The following PDE4B variants were observed in gnomAD, a reference collection of about 807,000 sequenced individuals.
The protein encoded by PDE4B is 3',5'-cyclic-AMP phosphodiesterase 4B.
In PDE4B, 20 loss-of-function variants were observed where a neutral mutation model predicts 82.2. That is an observed-to-expected ratio of 0.24 (90% CI 0.17 to 0.35). The LOEUF (loss-of-function observed/expected upper bound fraction) is 0.35, where lower values mean the gene tolerates loss of function less well. Ranked by LOEUF, PDE4B falls within the 10% of genes least tolerant of loss-of-function variation. The pLI is 1.00. For synonymous variants in PDE4B, 320 were observed against 318.9 expected (o/e 1.00, Z -0.04); for missense variants, 655 against 907.2 (o/e 0.72, Z 3.57).
intron 4 of PDE4B, among the ~76,000 whole-genome samples, chr1:66,253,098 ATAAT>A (rs1369709452): frequency 2.0e-5 from 3 of 152,302 alleles, no homozygotes; most frequent in East Asian, 3.9e-4. Context: ...TACATATGTA[ATAAT>A]TAATTTAATT....
At chr1:66,255,329 C>T (rs2101696675) in intron 4 of PDE4B, among the ~76,000 whole-genome samples, 1 of 152,252 alleles carries the variant, frequency 6.6e-6, no homozygotes, top group Admixed American at 6.5e-5. Context: ...CTCAGGTGAT[C>T]CGCCTGCCTC....
intron 7 of PDE4B, among the ~76,000 whole-genome samples, chr1:66,295,380 G>T (rs77545566): frequency 6.6e-6 from 1 of 151,948 alleles, no homozygotes; most frequent in African/African-American, 2.4e-5. Context: ...TACTATATAT[G>T]CTTTACTTGA....
At chr1:66,147,232 A>T (rs1646293816) in intron 3 of PDE4B, among the ~76,000 whole-genome samples, 1 of 152,246 alleles carries the variant, frequency 6.6e-6, no homozygotes, top group Admixed American at 6.5e-5. Context: ...TCCCATTGCT[A>T]TAAGCAAAAG....
intron 3 of PDE4B, among the ~76,000 whole-genome samples, chr1:66,208,326 AC>A (rs1205630317): frequency 6.6e-6 from 1 of 152,160 alleles, no homozygotes; most frequent in Non-Finnish European, 1.5e-5. Context: ...TTGAGTGCGT[AC>A]CATGTGGCAA....
chr1:66,320,534 G>A (rs75084470), intron 7 of PDE4B, among the ~76,000 whole-genome samples: 1,593 of 152,272 alleles, frequency 0.01, 26 homozygotes, highest in East Asian at 0.062. Context: ...CAAAGGACAA[G>A]TATTGGACAT....
rs1646499810 is a variant in PDE4B, at chr1:66,156,299, T to C, written c.282-91161T>C. ...TTATTGTGGCTAACAAAGCAACTCT[T>C]ATAAGTTGCACACAAACAAGAAGTA... On this transcript the variant is annotated intron_variant, in intron 3 of 16. Transcript: ENST00000341517. Among the ~76,000 whole-genome samples, 3 of 152,152 alleles carry C rather than the reference T, an allele frequency of 2.0e-5. No homozygotes were observed. The South Asian group carries it at 6.2e-4, about 32-fold the overall frequency.
chr1:66,066,600 A>G (rs1655862834), intron 3 of PDE4B, among the ~76,000 whole-genome samples: 1 of 151,916 alleles, frequency 6.6e-6, no homozygotes, highest in Non-Finnish European at 1.5e-5. Context: ...GTGAATTTAT[A>G]TGTTCCCTAA....
chr1:65,861,398 CTG>C (rs1196463560), intron 1 of PDE4B, among the ~76,000 whole-genome samples: 1 of 151,978 alleles, frequency 6.6e-6, no homozygotes, highest in Admixed American at 6.6e-5. Flanking sequence ...TTCTGTTCCA[CTG>C]GTCTTTATAT....
chr1:65,821,774 G>T (rs770238907), intron 1 of PDE4B, among the ~76,000 whole-genome samples: 2 of 152,150 alleles, frequency 1.3e-5, no homozygotes, highest in African/African-American at 4.8e-5. Context: ...GCATGCATAA[G>T]AATCAACTGT....
chr1:66,075,118 G>C (rs1656351166), intron 3 of PDE4B, among the ~76,000 whole-genome samples: 1 of 152,012 alleles, frequency 6.6e-6, no homozygotes, highest in African/African-American at 2.4e-5. Flanking sequence ...ACTGTGCCCA[G>C]AGTAGCCCTG....
chr1:66,301,476 A>G (rs1359345760), intron 7 of PDE4B, among the ~76,000 whole-genome samples: 1 of 152,048 alleles, frequency 6.6e-6, no homozygotes, highest in Non-Finnish European at 1.5e-5. Flanking sequence ...AGGCACAGAG[A>G]GGCTTAATGA....
intron 3 of PDE4B, among the ~76,000 whole-genome samples, chr1:66,188,309 C>T (rs1368972289): frequency 1.3e-5 from 2 of 150,932 alleles, no homozygotes; most frequent in South Asian, 4.2e-4. Context: ...AATGTATATT[C>T]TGTTGATTTG....
At chr1:65,962,219 G>A (rs771354910) in intron 3 of PDE4B, among the ~76,000 whole-genome samples, 17 of 152,030 alleles carry the variant, frequency 1.1e-4, no homozygotes, top group Non-Finnish European at 2.1e-4. Context: ...TAATTGTATG[G>A]GTACTCAAAG....
intron 3 of PDE4B, among the ~76,000 whole-genome samples, chr1:66,210,466 C>T (rs890611051): frequency 2.0e-5 from 3 of 151,446 alleles, no homozygotes; most frequent in Admixed American, 1.3e-4. Flanking sequence ...TGTGGTAGTG[C>T]GCGCTTGTAG....
intron 3 of PDE4B, among the ~76,000 whole-genome samples, chr1:66,148,674 T>C (rs183018444): frequency 6.3e-4 from 96 of 152,312 alleles, no homozygotes; most frequent in Non-Finnish European, 1.2e-3. Flanking sequence ...ACTACCACCA[T>C]CCTTAGCCCT....
intron 3 of PDE4B, among the ~76,000 whole-genome samples, chr1:65,937,094 C>T (rs1204182817): frequency 1.3e-5 from 2 of 152,272 alleles, no homozygotes; most frequent in South Asian, 4.1e-4. Context: ...CTTTGTTGTT[C>T]CCTCAAAGAA....
intron 1 of PDE4B, among the ~76,000 whole-genome samples, chr1:65,866,455 A>G (rs866045852): frequency 6.6e-6 from 1 of 152,222 alleles, no homozygotes; most frequent in Non-Finnish European, 1.5e-5. Flanking sequence ...AAAGTCAGCA[A>G]CAACAACAAT....
intron 1 of PDE4B, among the ~76,000 whole-genome samples, chr1:65,893,182 T>C (rs918910897): frequency 1.3e-5 from 2 of 152,080 alleles, no homozygotes; most frequent in Admixed American, 6.6e-5. Flanking sequence ...CTTAAATTGC[T>C]CACAAAGATA....
At chr1:66,090,414 G>A (rs1315043086) in intron 3 of PDE4B, among the ~76,000 whole-genome samples, 3 of 151,570 alleles carry the variant, frequency 2.0e-5, no homozygotes, top group Admixed American at 6.6e-5. Context: ...ACATAAATAT[G>A]ATATTTTTGA....
Sources: allele counts gnomAD v4.1 joint callset (sites outside exome capture counted in the v4.1 genomes callset), GRCh38; gene constraint gnomAD v4.1.1; transcripts MANE v1.5; gene names NCBI Gene and HGNC (gene_info 2026-07-23, HGNC 2026-07-21).